ATRNL1: variants seen among roughly 807,000 people sequenced by gnomAD.
ATRNL1 encodes the protein attractin like 1.
Under a neutral mutation model 182.7 loss-of-function variants are expected in ATRNL1, and 95 were observed. That is an observed-to-expected ratio of 0.52 (90% confidence interval 0.44 to 0.62). ATRNL1 has a LOEUF of 0.62. Ranked by LOEUF, ATRNL1 falls within the 20% of genes least tolerant of loss-of-function variation. The pLI is 0.00. For synonymous variants in ATRNL1, 576 were observed against 568.3 expected, an observed-to-expected ratio of 1.01 and a Z score of -0.19; for missense variants, 1,471 against 1,679.5, an observed-to-expected ratio of 0.88 and a Z score of 2.17.
chr10:115,160,240 C>G, intron 6 of ATRNL1, 26 bp downstream of exon 6: 1 of 1,546,492 alleles, frequency 6.5e-7, no homozygotes, highest in Non-Finnish European at 8.8e-7. Flanking sequence ...CAGATTCTTG[C>G]TGTTTTTTAA....
At position 115,948,744 on chromosome 10, in the gene ATRNL1, T is replaced by A. The variant is rs1218805410; in HGVS notation, c.*3965T>A. 1 of 152,238 alleles carries A rather than the reference T, an allele frequency of 6.6e-6. No homozygotes were observed. Among genetic ancestry groups the A allele is most frequent in the Admixed American group, 6.5e-5 (1 of 15,290 alleles). The allele number at this position is 152,238 out of a possible 1,614,324, so 9.4% of individuals were successfully genotyped here. Reference sequence around the variant, plus strand: ...AATTTTCCAAGGAATACAAGCCATCTGGTTGGTGTTAGTTATAGCAGTGAT... The same window carrying A: ...AATTTTCCAAGGAATACAAGCCATCAGGTTGGTGTTAGTTATAGCAGTGAT... On this transcript the variant is annotated 3_prime_UTR_variant, in exon 29 of 29. Transcript: ENST00000355044.
chr10:115,636,902 C>T (rs1429255462), intron 26 of ATRNL1, among the ~76,000 whole-genome samples: 1 of 152,018 alleles, frequency 6.6e-6, no homozygotes. Flanking sequence ...AGTCATATGC[C>T]ACATAACAAA....
intron 26 of ATRNL1, among the ~76,000 whole-genome samples, chr10:115,569,771 A>G (rs1386946910): frequency 9.3e-5 from 5 of 53,870 alleles, no homozygotes; most frequent in Admixed American, 7.7e-4. Flanking sequence ...TTAATTCTTT[A>G]AATACTTTTT....
intron 25 of ATRNL1, among the ~76,000 whole-genome samples, chr10:115,521,147 G>C (rs553584553): frequency 1.3e-5 from 2 of 150,398 alleles, no homozygotes; most frequent in South Asian, 4.2e-4. Flanking sequence ...TTTTGTTGTT[G>C]TTGTTGTTGT....
rs201519218 is a variant in ATRNL1, at chr10:115,129,376, A to G, written c.670A>G (p.Ser224Gly). 1 of 1,613,842 alleles carries G rather than the reference A, an allele frequency of 6.2e-7. No homozygotes were observed. Among genetic ancestry groups the G allele is most frequent in the Non-Finnish European group, 8.5e-7 (1 of 1,179,722 alleles). ...CTCTGGTCATGGGAAGTGTACAACT[A>G]GTGTCTCTGTTCCAAGTCAAGTATA... ...NCSGHGKCTT[S>G]VSVPSQVYCE... Residue 224 changes from serine (S) to glycine (G), a missense_variant, in exon 5 of 29, where the codon AGT becomes GGT. This residue lies in a region of ATRNL1 where 1,031 missense variants were observed against 1,156.0 expected (regional missense o/e 0.89). Coordinates refer to ENST00000355044, the MANE Select transcript of ATRNL1 (RefSeq NM_207303.4).
At chr10:115,671,551 A>T (rs1945697967) in intron 26 of ATRNL1, among the ~76,000 whole-genome samples, 1 of 152,138 alleles carries the variant, frequency 6.6e-6, no homozygotes, top group Admixed American at 6.6e-5. Context: ...ACATCTATCA[A>T]GGAAAGTATC....
At chr10:115,372,554 G>C (rs368317693) in intron 19 of ATRNL1, among the ~76,000 whole-genome samples, 2 of 152,080 alleles carry the variant, frequency 1.3e-5, no homozygotes, top group Non-Finnish European at 2.9e-5. Flanking sequence ...TTTGAATATG[G>C]TATAAGATAA....
chr10:115,256,880 T>G (rs1354327231), intron 10 of ATRNL1, among the ~76,000 whole-genome samples: 2 of 152,200 alleles, frequency 1.3e-5, no homozygotes, highest in African/African-American at 4.8e-5. Context: ...CTGCCTTCAT[T>G]TAGTTATTTA....
At chr10:115,638,089 C>A (rs1342660380) in intron 26 of ATRNL1, among the ~76,000 whole-genome samples, 1 of 152,106 alleles carries the variant, frequency 6.6e-6, no homozygotes, top group Non-Finnish European at 1.5e-5. Context: ...CACTCACTGA[C>A]ACCAAGAACA....
At chr10:115,644,716 G>A (rs1337773892) in intron 26 of ATRNL1, among the ~76,000 whole-genome samples, 2 of 152,112 alleles carry the variant, frequency 1.3e-5, no homozygotes, top group Non-Finnish European at 2.9e-5. Flanking sequence ...CTAAATAAAT[G>A]CTGACTGTTA....
At chr10:115,620,446 G>A (rs74161609) in intron 26 of ATRNL1, among the ~76,000 whole-genome samples, 1,764 of 152,188 alleles carry the variant, frequency 0.012, 29 homozygotes, top group African/African-American at 0.038. Context: ...AAGGATGATC[G>A]TTTTGCTTTT....
chr10:115,103,384 A>G (rs566266004), intron 1 of ATRNL1, among the ~76,000 whole-genome samples: 1 of 152,178 alleles, frequency 6.6e-6, no homozygotes, highest in African/African-American at 2.4e-5. Context: ...CTTTAAGGCT[A>G]TTGTAGTTGG....
chr10:115,271,726 TG>T (rs1184608612), intron 13 of ATRNL1, among the ~76,000 whole-genome samples: 4 of 152,334 alleles, frequency 2.6e-5, no homozygotes, highest in African/African-American at 9.6e-5. Context: ...TTTTATCTGT[TG>T]GGGTGACTCA....
Position 115,492,427 on chromosome 10 carries a change from T to C in ATRNL1, c.3654+23098T>C, listed in dbSNP as rs372449560. On this transcript the variant is annotated intron_variant, in intron 24 of 28. Transcript: ENST00000355044. ...TAATTAGGTCTCTCATTCTTCATATTCTTGCATCATTAATGCTTACTTTCA... is the reference window on the plus strand; with the variant it reads ...TAATTAGGTCTCTCATTCTTCATATCCTTGCATCATTAATGCTTACTTTCA... Among the ~76,000 whole-genome samples, 12 of 152,058 alleles carry C rather than the reference T, an allele frequency of 7.9e-5. No individual in the cohort carries two copies. In the East Asian group the frequency reaches 1.7e-3, roughly 22 times the overall value.
intron 28 of ATRNL1, among the ~76,000 whole-genome samples, chr10:115,886,191 A>G (rs1207124844): frequency 6.6e-6 from 1 of 152,238 alleles, no homozygotes; most frequent in Non-Finnish European, 1.5e-5. Flanking sequence ...GGATTGAGCC[A>G]TCACATGGAG....
intron 19 of ATRNL1, among the ~76,000 whole-genome samples, chr10:115,344,485 T>G (rs1177552400): frequency 2.0e-5 from 3 of 151,982 alleles, no homozygotes; most frequent in Admixed American, 2.0e-4. Context: ...TTAAGTAAGC[T>G]TATGGTGAAT....
At chr10:115,302,832 A>C (rs1011064577) in intron 17 of ATRNL1, among the ~76,000 whole-genome samples, 2 of 138,352 alleles carry the variant, frequency 1.4e-5, no homozygotes, top group African/African-American at 3.5e-5. Context: ...GTAGGAACTT[A>C]AGACCGTGTG....
intron 24 of ATRNL1, among the ~76,000 whole-genome samples, chr10:115,485,303 A>G (rs112295949): frequency 0.027 from 4,147 of 152,018 alleles, 227 homozygotes; most frequent in African/African-American, 0.096. Flanking sequence ...AACTTCCTCT[A>G]TTTCATCTAC....
intron 26 of ATRNL1, among the ~76,000 whole-genome samples, chr10:115,622,308 C>A (rs1462876269): frequency 6.6e-6 from 1 of 152,174 alleles, no homozygotes; most frequent in Non-Finnish European, 1.5e-5. Flanking sequence ...ATATTGGTGA[C>A]AAGGGCTTAT....
Sources: gnomAD v4.1 joint callset for allele counts (sites outside exome capture counted in the v4.1 genomes callset) on GRCh38, gnomAD v4.1.1 for gene constraint, gnomAD v4.1.1 regional missense constraint, MANE v1.5 for transcripts, NCBI Gene and HGNC (gene_info 2026-07-23, HGNC 2026-07-21) for gene names.